Variants in C10orf90 observed in about 807,000 individuals in gnomAD.
C10orf90 encodes the protein chromosome 10 open reading frame 90.
C10orf90 carries 56 observed loss-of-function variants against 62.5 expected under a neutral mutation model. That is an observed-to-expected ratio of 0.90 (90% CI 0.72 to 1.12). The LOEUF is 1.12. C10orf90 is among the 50% of genes most tolerant of loss of function. The pLI is 0.00. For missense variants in C10orf90, 970 were observed against 880.4 expected (o/e 1.10, Z -1.29); for synonymous variants, 386 against 340.4 (o/e 1.13, Z -1.47).
intron 2 of C10orf90, among the ~76,000 whole-genome samples, chr10:126,535,940 C>G (rs1054938801): frequency 2.0e-5 from 3 of 152,174 alleles, no homozygotes; most frequent in Non-Finnish European, 4.4e-5. Flanking sequence ...GAGAGTCCAT[C>G]GTTACGGGGC....
intron 2 of C10orf90, among the ~76,000 whole-genome samples, chr10:126,515,320 C>T (rs1478768215): frequency 2.6e-5 from 4 of 152,218 alleles, no homozygotes; most frequent in Non-Finnish European, 5.9e-5. Flanking sequence ...TCCCCATTCA[C>T]TCACCACTCA....
chr10:126,463,824 G>A (rs1860137028), intron 5 of C10orf90, among the ~76,000 whole-genome samples: 1 of 152,212 alleles, frequency 6.6e-6, no homozygotes, highest in Non-Finnish European at 1.5e-5. Flanking sequence ...CGTTTCCTGT[G>A]CCAACGGAGA....
intron 2 of C10orf90, among the ~76,000 whole-genome samples, chr10:126,562,732 C>A (rs765252330): frequency 1.3e-5 from 2 of 152,226 alleles, no homozygotes; most frequent in African/African-American, 4.8e-5. Context: ...AGGCCTATAA[C>A]CCACCTGACA....
intron 7 of C10orf90, among the ~76,000 whole-genome samples, chr10:126,445,826 T>C (rs11528566): frequency 0.025 from 3,559 of 144,774 alleles, 176 homozygotes; most frequent in African/African-American, 0.084. Context: ...TATATATATA[T>C]ACAATGGAAT....
At chr10:126,610,147 G>C (rs576966189) in intron 2 of C10orf90, among the ~76,000 whole-genome samples, 2 of 152,288 alleles carry the variant, frequency 1.3e-5, no homozygotes, top group East Asian at 3.9e-4. Context: ...AGGCTGACCT[G>C]CATGGACCAT....
At chr10:126,654,861 CAG>C (rs2133863355) in intron 1 of C10orf90, among the ~76,000 whole-genome samples, 1 of 152,306 alleles carries the variant, frequency 6.6e-6, no homozygotes, top group East Asian at 1.9e-4. Context: ...CTTGAACACT[CAG>C]AGGCTTATTA....
At chr10:126,576,200 T>C (rs192273599) in intron 2 of C10orf90, among the ~76,000 whole-genome samples, 233 of 152,062 alleles carry the variant, frequency 1.5e-3, no homozygotes, top group African/African-American at 5.5e-3. Flanking sequence ...ATAACCAGAA[T>C]ACACAAGGAG....
chr10:126,666,354 C>G (rs1196757573), intron 1 of C10orf90, among the ~76,000 whole-genome samples: 1 of 152,140 alleles, frequency 6.6e-6, no homozygotes. Flanking sequence ...TTAACAAAAT[C>G]AAACACCAAA....
intron 7 of C10orf90, among the ~76,000 whole-genome samples, chr10:126,457,477 A>G (rs1055917804): frequency 2.2e-4 from 33 of 152,306 alleles, no homozygotes; most frequent in African/African-American, 7.5e-4. Context: ...GCAGCACCAC[A>G]CTGAACAGGT....
At chr10:126,535,981 GT>G (rs949019441) in intron 2 of C10orf90, among the ~76,000 whole-genome samples, 21 of 152,148 alleles carry the variant, frequency 1.4e-4, no homozygotes, top group African/African-American at 5.1e-4. Context: ...GTGCACTGAA[GT>G]TTTTTTCCAC....
chr10:126,554,047 C>T (rs562755334), intron 2 of C10orf90, among the ~76,000 whole-genome samples: 5 of 151,926 alleles, frequency 3.3e-5, no homozygotes, highest in East Asian at 1.9e-4. Flanking sequence ...ACATGTCCAC[C>T]GAAGACAGAC....
At chr10:126,551,337 G>T (rs1323274212) in intron 2 of C10orf90, among the ~76,000 whole-genome samples, 1 of 152,200 alleles carries the variant, frequency 6.6e-6, no homozygotes, top group African/African-American at 2.4e-5. Flanking sequence ...ACTCTGCCTG[G>T]TGCAATAATA....
At chr10:126,544,301 G>C (rs776699492) in intron 2 of C10orf90, among the ~76,000 whole-genome samples, 2 of 152,120 alleles carry the variant, frequency 1.3e-5, no homozygotes, top group African/African-American at 2.4e-5. Flanking sequence ...ACTATCTGCT[G>C]TACCCTTTGG....
At chr10:126,611,519 A>G (rs910295054) in intron 2 of C10orf90, among the ~76,000 whole-genome samples, 4 of 152,230 alleles carry the variant, frequency 2.6e-5, no homozygotes, top group African/African-American at 9.6e-5. Flanking sequence ...TGGAGTTGCC[A>G]GGTCATATGG....
chr10:126,640,665 A>G (rs970587326), intron 2 of C10orf90, among the ~76,000 whole-genome samples: 1 of 152,208 alleles, frequency 6.6e-6, no homozygotes, highest in African/African-American at 2.4e-5. Flanking sequence ...CTTCAGTCAA[A>G]AGAAAGAGTT....
At chr10:126,487,595 C>T (rs183019245) in intron 4 of C10orf90, among the ~76,000 whole-genome samples, 1 of 152,032 alleles carries the variant, frequency 6.6e-6, no homozygotes, top group African/African-American at 2.4e-5. Context: ...TTTAAGAAAA[C>T]AGTAAAACAA....
intron 7 of C10orf90, among the ~76,000 whole-genome samples, chr10:126,441,512 C>T (rs1302818679): frequency 6.6e-6 from 1 of 152,084 alleles, no homozygotes; most frequent in Non-Finnish European, 1.5e-5. Flanking sequence ...CCTAGACATC[C>T]AAGTGCAAGA....
chr10:126,537,263 C>T (rs1213908267), intron 2 of C10orf90, among the ~76,000 whole-genome samples: 1 of 152,184 alleles, frequency 6.6e-6, no homozygotes, highest in African/African-American at 2.4e-5. Context: ...ATAAATTCCC[C>T]TTCCTTCTGC....
chr10:126,623,179 C>A (rs980116631), intron 2 of C10orf90, among the ~76,000 whole-genome samples: 2 of 152,138 alleles, frequency 1.3e-5, no homozygotes, highest in African/African-American at 4.8e-5. Context: ...GCTTTCCCTG[C>A]TCAAAATCTT....
Sources: gnomAD v4.1 joint callset for allele counts (sites outside exome capture counted in the v4.1 genomes callset) on GRCh38, gnomAD v4.1.1 for gene constraint, MANE v1.5 for transcripts, NCBI Gene and HGNC (gene_info 2026-07-23, HGNC 2026-07-21) for gene names.